AAAS: variants seen among roughly 807,000 people sequenced by gnomAD.
AAAS encodes aladin WD repeat nucleoporin, also known as aladin.
A neutral mutation model predicts 75.6 loss-of-function variants in AAAS; 60 were observed. That is an observed-to-expected ratio of 0.79 (90% CI 0.64 to 0.98). AAAS has a LOEUF of 0.98. AAAS is among the 50% of genes least tolerant of loss of function. The pLI is 0.00. For synonymous variants in AAAS, 271 were observed against 265.0 expected (o/e 1.02, Z -0.22); for missense variants, 658 against 686.9 (o/e 0.96, Z 0.47).
chr12:53,308,921 TCTC>T (rs1285872257), intron 10 of AAAS, 36 bp downstream of exon 10: 2 of 1,613,816 alleles, frequency 1.2e-6, no homozygotes, highest in African/African-American at 1.3e-5. Context: ...ATTGGAATCA[TCTC>T]CTCCCCAGTG....
rs113552254 is a variant in AAAS at position 53,319,201 on chromosome 12, C to CTT, written c.251+1362_251+1363dup. Among the ~76,000 whole-genome samples, 853 of 145,638 alleles carry CTT rather than the reference C, an allele frequency of 5.9e-3. 6 individuals are homozygous for CTT. Among genetic ancestry groups the CTT allele is most frequent in the African/African-American group, 0.02 (802 of 39,880 alleles). On this transcript the variant is annotated intron_variant, in intron 2 of 15. Transcript: ENST00000209873. ...GTATTAATAAAAATATTAAGTAACC[C>CTT]TTTTTTTTTTTTTGAGACAAGGTCT...
chr12:53,309,907 C>T, intron 7 of AAAS, 186 bp from the exon 8 acceptor site: 1 of 859,662 alleles, frequency 1.2e-6, no homozygotes. Context: ...GAAAAACGAC[C>T]AAGTCACCAC....
chr12:53,310,890 A>T (rs1267576503), intron 7 of AAAS, among the ~76,000 whole-genome samples: 2 of 152,232 alleles, frequency 1.3e-5, no homozygotes, highest in Non-Finnish European at 2.9e-5. Context: ...ACTATAATTT[A>T]TTGAGTCATG....
intron 2 of AAAS, among the ~76,000 whole-genome samples, chr12:53,316,788 AGAG>A (rs1375148013): frequency 4.0e-4 from 60 of 148,590 alleles, no homozygotes; most frequent in African/African-American, 1.4e-3. Context: ...AAAAAAAAGA[AGAG>A]AAAAAATAGA....
rs1944354785 is a variant in AAAS at position 53,309,626 on chromosome 12, G to A, written c.785C>T (p.Ala262Val). 6 of 1,613,652 alleles carry A rather than the reference G, an allele frequency of 3.7e-6. No individual in the cohort carries two copies. Among genetic ancestry groups the A allele is most frequent in the Non-Finnish European group, 5.1e-6 (6 of 1,179,910 alleles). The change falls in exon 8 of 16, where the codon GCT becomes GTT. Residue 262 changes from alanine (A) to valine (V), a missense_variant. By Grantham distance (64) the Ala-to-Val change is moderately conservative. Coordinates refer to ENST00000209873, the MANE Select transcript of AAAS (RefSeq NM_015665.6). ...CCGGATAGCAGCATCCACGGGTGAAGCTGAGAGCAGCCGCCCCCCACTGGG... is the reference window on the plus strand; with the variant it reads ...CCGGATAGCAGCATCCACGGGTGAAACTGAGAGCAGCCGCCCCCCACTGGG... ...WAPSGGRLLS[A>V]SPVDAAIRVW...
chr12:53,320,828 A>C (rs900824141), intron 1 of AAAS, 136 bp from the exon 2 acceptor site: 1 of 1,001,310 alleles, frequency 1.0e-6, no homozygotes, highest in Non-Finnish European at 1.5e-6. Context: ...CAAAGCTAAC[A>C]CTTGTGAGAA....
Position 53,309,872 on chromosome 12 carries a change from G to A in AAAS, c.690-151C>T. 3 of 1,191,004 alleles carry A rather than the reference G, an allele frequency of 2.5e-6. No individual in the cohort carries two copies. In the Admixed American group the frequency reaches 7.0e-5, roughly 28 times the overall value. 73.8% of individuals were successfully genotyped at this position (1,191,004 alleles called of 1,614,324 possible). On this transcript the variant is annotated intron_variant, in intron 7 of 15. Coordinates refer to ENST00000209873, the MANE Select transcript of AAAS (RefSeq NM_015665.6). ...TGAAAAAGGAATAAGGATTGTGAAA[G>A]TTAAAAGAAAAAAACAGCGAAGGGG...
chr12:53,318,035 T>C (rs1592521850), intron 2 of AAAS, among the ~76,000 whole-genome samples: 1 of 152,232 alleles, frequency 6.6e-6, no homozygotes, highest in East Asian at 1.9e-4. Context: ...CTGCATTTAT[T>C]TTTATTTTAT....
intron 2 of AAAS, among the ~76,000 whole-genome samples, chr12:53,318,717 G>A (rs1018819977): frequency 1.3e-5 from 2 of 152,132 alleles, no homozygotes; most frequent in African/African-American, 4.8e-5. Flanking sequence ...GAGAAATAAA[G>A]AGACTGGATT....
At chr12:53,317,425 T>C (rs960820583) in intron 2 of AAAS, among the ~76,000 whole-genome samples, 1 of 151,316 alleles carries the variant, frequency 6.6e-6, no homozygotes, top group Non-Finnish European at 1.5e-5. Context: ...GGTGTGGTGG[T>C]GGGCGCCTGT....
At position 53,315,024 on chromosome 12, in the gene AAAS, C is replaced by T. The variant is rs1017143304; in HGVS notation, c.446+70G>A. ...ATCAGAAAAGGAGTAGGAGTCTTTG[C>T]CTTCTCCCCAAAGGGAGTTTTGAGG... On this transcript the variant is annotated intron_variant, in intron 5 of 15. Transcript: ENST00000209873. The T allele has an allele frequency of 1.9e-6, 3 of 1,568,516 alleles. No homozygotes were observed. The Admixed American group carries it at 5.0e-5, about 26-fold the overall frequency.
At chr12:53,307,771 A>G in intron 15 of AAAS, 58 bp from the exon 16 acceptor site, 1 of 1,612,854 alleles carries the variant, frequency 6.2e-7, no homozygotes, top group Non-Finnish European at 8.5e-7. Flanking sequence ...GCCACCTGGC[A>G]GAGCCATACA....
At chr12:53,318,223 A>AGTGTGT (rs71443291) in intron 2 of AAAS, among the ~76,000 whole-genome samples, 6,521 of 136,826 alleles carry the variant, frequency 0.048, 233 homozygotes, top group Middle Eastern at 0.12. Flanking sequence ...ATGGGGTTTC[A>AGTGTGT]GTGTGTGTGT....
intron 15 of AAAS, 26 bp from the exon 16 acceptor site, chr12:53,307,739 C>A: frequency 6.2e-6 from 10 of 1,613,904 alleles, no homozygotes; most frequent in Non-Finnish European, 8.5e-6. Context: ...AGAAAAGGAT[C>A]AGAGTCTGGG....
chr12:53,312,507 G>A (rs970686336), intron 7 of AAAS, among the ~76,000 whole-genome samples: 2 of 151,128 alleles, frequency 1.3e-5, no homozygotes, highest in Non-Finnish European at 2.9e-5. Flanking sequence ...TGAGGTTGCA[G>A]TGAGTCGAGA....
chr12:53,321,417 T>A lies in AAAS; in HGVS notation c.49A>T (p.Thr17Ser), dbSNP rs1336396408. The A allele has an allele frequency of 6.2e-7, 1 of 1,613,996 alleles. No individual in the cohort carries two copies. Among genetic ancestry groups the A allele is most frequent in the African/African-American group, 1.3e-5 (1 of 74,896 alleles). ...AGCTCGTTATTGTGCTCATATAGGGTGACTTGACCCCGAGGCGGTGGAGGA... is the reference window on the plus strand; with the variant it reads ...AGCTCGTTATTGTGCTCATATAGGGAGACTTGACCCCGAGGCGGTGGAGGA... ...FPPPPPRGQV[T>S]LYEHNNELVT... The change falls in exon 1 of 16, where the codon ACC (threonine) becomes TCC (serine). Residue 17 changes from threonine (T) to serine (S), a missense_variant. Thr to Ser is a moderately conservative substitution (Grantham distance 58). Transcript: ENST00000209873.
chr12:53,310,775 T>A (rs1307473338), intron 7 of AAAS, among the ~76,000 whole-genome samples: 1 of 152,222 alleles, frequency 6.6e-6, no homozygotes, highest in Non-Finnish European at 1.5e-5. Context: ...GGATGTACAA[T>A]TTAATTCTCT....
In AAAS at chr12:53,309,009, G is replaced by A. The variant is rs1465565481; in HGVS notation, c.947C>T (p.Ala316Val). 1 of 1,614,160 alleles carries A rather than the reference G, an allele frequency of 6.2e-7. No homozygotes were observed. Among genetic ancestry groups the A allele is most frequent in the Non-Finnish European group, 8.5e-7 (1 of 1,180,032 alleles). The change falls in exon 10 of 16, where the codon GCC becomes GTC. Residue 316 changes from alanine (A) to valine (V), a missense_variant. Ala to Val is a moderately conservative substitution (Grantham distance 64). Transcript: ENST00000209873. ...CCACCTCTCACAAGTCCACATCTGG[G>A]CCTCCCAGACTCTGAGCCAGAGAAA... ...TPSAVFRVWEAQMWTCERWPT... is the reference protein window; with the variant it reads ...TPSAVFRVWEVQMWTCERWPT...
intron 2 of AAAS, among the ~76,000 whole-genome samples, chr12:53,316,178 G>C (rs948300924): frequency 2.0e-5 from 3 of 152,238 alleles, no homozygotes; most frequent in Non-Finnish European, 2.9e-5. Flanking sequence ...CAGGCTGGCT[G>C]TGGTGGCTCA....
Sources: gnomAD v4.1 joint callset for allele counts (sites outside exome capture counted in the v4.1 genomes callset) on GRCh38, gnomAD v4.1.1 for gene constraint, MANE v1.5 for transcripts, NCBI Gene and HGNC (gene_info 2026-07-23, HGNC 2026-07-21) for gene names.